The following TRMT5 variants were observed in gnomAD, a reference collection of about 807,000 sequenced individuals.
TRMT5 encodes tRNA methyltransferase 5, also known as tRNA (guanine(37)-N(1))-methyltransferase.
A neutral mutation model predicts 42.2 loss-of-function variants in TRMT5; 31 were observed. The ratio of observed to expected loss-of-function variants is 0.73; its 90% confidence interval spans 0.55 to 0.99. TRMT5 has a LOEUF of 0.99. Among genes scored for constraint, TRMT5 ranks in the 50% least tolerant of loss-of-function variants. The pLI is 0.00. For synonymous variants in TRMT5, 198 were observed against 209.6 expected, an observed-to-expected ratio of 0.94 and a Z score of 0.48; for missense variants, 568 against 595.0, an observed-to-expected ratio of 0.95 and a Z score of 0.47.
In TRMT5 at chr14:60,976,077, C is replaced by A. The variant is rs2036843071; in HGVS notation, c.842G>T (p.Trp281Leu). ...GTGTTCTGTAGACAGACGAGGATTC[C>A]AATAGACTTTTGAAAAATCAAATTC... ...TYEFDFSKVYWNPRLSTEHSR... is the reference protein window; with the variant it reads ...TYEFDFSKVYLNPRLSTEHSR... The change falls in exon 4 of 5, where the codon TGG becomes TTG. Residue 281 changes from tryptophan (W) to leucine (L), a missense_variant. Trp to Leu is a moderately conservative substitution (Grantham distance 61, BLOSUM62 -2). Coordinates refer to ENST00000261249, the MANE Select transcript of TRMT5 (RefSeq NM_020810.3). 8 of 1,612,170 alleles carry A rather than the reference C, an allele frequency of 5.0e-6. No individual in the cohort carries two copies. Among genetic ancestry groups the A allele is most frequent in the Non-Finnish European group, 5.9e-6 (7 of 1,179,424 alleles).
chr14:60,973,368 TAGG>T lies in TRMT5; in HGVS notation c.*1738_*1740del, dbSNP rs747146680. 6.6e-6 allele frequency: 1 copy of T among 152,148 alleles called. No individual in the cohort carries two copies. The highest frequency in any genetic ancestry group is 2.4e-5 in the African/African-American group (1 of 41,394). 9.4% of individuals were successfully genotyped at this position (152,148 alleles called of 1,614,324 possible). On this transcript the variant is annotated 3_prime_UTR_variant, in exon 5 of 5. Transcript: ENST00000261249. ...CTTTTACTCATGGTAGAAGGCAAAA[TAGG>T]AGAAGGCACTTCACATGGCGAAGGC... is the stretch of plus-strand genomic sequence containing the variant.
At chr14:60,977,365 A>G in intron 3 of TRMT5, 149 bp downstream of exon 3, 1 of 609,602 alleles carries the variant, frequency 1.6e-6, no homozygotes, top group Non-Finnish European at 2.5e-6. Context: ...AGGCTTTATC[A>G]GTGTTATTCC....
chr14:60,976,036 G>T lies in TRMT5; in HGVS notation c.883C>A (p.Leu295Ile). 1.9e-6 allele frequency: 3 copies of T among 1,614,228 alleles called. No homozygotes were observed. Among genetic ancestry groups the T allele is most frequent in the Non-Finnish European group, 2.5e-6 (3 of 1,180,028 alleles). Residue 295 changes from leucine to isoleucine, a missense_variant, in exon 4 of 5, where the codon CTT (leucine) becomes ATT (isoleucine). By Grantham distance (5) the Leu-to-Ile change is conservative (BLOSUM62 2). Coordinates refer to ENST00000261249, the MANE Select transcript of TRMT5 (RefSeq NM_020810.3). ...LSTEHSRITE[L>I]LKPGDVLFDV... ...AATAGGACATCCCCAGGTTTGAGAA[G>T]TTCTGTGATACGGCTGTGTTCTGTA... is the stretch of plus-strand genomic sequence containing the variant.
intron 2 of TRMT5, among the ~76,000 whole-genome samples, chr14:60,978,924 A>G (rs1304812640): frequency 3.3e-5 from 5 of 152,214 alleles, no homozygotes; most frequent in Non-Finnish European, 5.9e-5. Context: ...TGAAGGCCTA[A>G]CAAGTCTTGT....
intron 1 of TRMT5, 127 bp from the exon 2 acceptor site, chr14:60,980,013 A>G (rs1436505352): frequency 9.4e-7 from 1 of 1,067,984 alleles, no homozygotes; most frequent in Non-Finnish European, 1.3e-6. Flanking sequence ...GAAGTATACT[A>G]TCTTTTCCAG....
At chr14:60,976,220 C>G in intron 3 of TRMT5, 94 bp from the exon 4 acceptor site, 1 of 1,394,510 alleles carries the variant, frequency 7.2e-7, no homozygotes, top group Non-Finnish European at 9.7e-7. Context: ...CAGGCAAACA[C>G]ATACACATTT....
rs1044442986 is a variant in TRMT5 at position 60,975,975 on chromosome 14, G to A, written c.944C>T (p.Pro315Leu). The change falls in exon 4 of 5, where the codon CCA becomes CTA. Residue 315 changes from proline to leucine, a missense_variant. Pro to Leu is a moderately conservative substitution (Grantham distance 98). Coordinates refer to ENST00000261249, the MANE Select transcript of TRMT5 (RefSeq NM_020810.3). ...VFAGVGPFAI[P>L]VAKKNCTVFA... ...TACAGTGCAGTTTTTCTTTGCTACT[G>A]GAATGGCAAAGGGCCCAACCCCAGC... is the stretch of plus-strand genomic sequence containing the variant. The A allele has an allele frequency of 2.5e-6, 4 of 1,614,004 alleles. No homozygotes were observed. In the African/African-American group the frequency reaches 4.0e-5, roughly 16 times the overall value.
At chr14:60,981,107 G>A (rs2036973375), upstream of TRMT5, 12 of 1,583,322 alleles carry the variant, frequency 7.6e-6, no homozygotes, top group Non-Finnish European at 1.0e-5. Flanking sequence ...CCGCGAAGAG[G>A]GCGCGCGTCA....
chr14:60,978,919 G>T (rs899013890), intron 2 of TRMT5, among the ~76,000 whole-genome samples: 2 of 152,130 alleles, frequency 1.3e-5, no homozygotes, highest in African/African-American at 4.8e-5. Flanking sequence ...AGCCCTGAAG[G>T]CCTAACAAGT....
At position 60,979,841 on chromosome 14, in the gene TRMT5, C is replaced by T; in HGVS notation, c.57G>A (p.Leu19=). 2 of 1,597,254 alleles carry T rather than the reference C, an allele frequency of 1.3e-6. No homozygotes were observed. The highest frequency in any genetic ancestry group is 1.7e-6 in the Non-Finnish European group (2 of 1,171,814). Residue 19 remains leucine, a synonymous_variant, in exon 2 of 5, where the codon CTG becomes CTA. Transcript: ENST00000261249. The stretch of plus-strand genomic sequence containing the variant: ...TTGATTCAGTTATGCTATGGCTTTC[C>T]AGTTTCAGAAATCTTCCTGAGAATC... ...PFGFSGRFLK[L]ESHSITESKS...
rs759610400 is a variant in TRMT5, at chr14:60,981,072, T to C, written c.-99A>G. The C allele has an allele frequency of 3.7e-6, 6 of 1,604,754 alleles. No individual in the cohort carries two copies. The highest frequency in any genetic ancestry group is 2.2e-5 in the East Asian group (1 of 44,722). On this transcript the variant is annotated 5_prime_UTR_variant, in exon 1 of 5. Coordinates refer to ENST00000261249, the MANE Select transcript of TRMT5 (RefSeq NM_020810.3). ...TGTGGGTCGCGGGTGGATGGGCGGG[T>C]CTTCTATGACATCATCACTGTTCGC...
intron 1 of TRMT5, 130 bp downstream of exon 1, chr14:60,980,833 A>G: frequency 7.2e-7 from 1 of 1,392,378 alleles, no homozygotes; most frequent in Non-Finnish European, 1.0e-6. Context: ...CCTCGAAACT[A>G]AGCTCAGCAC....
chr14:60,978,286 G>A (rs2036873730), intron 2 of TRMT5, among the ~76,000 whole-genome samples: 1 of 152,088 alleles, frequency 6.6e-6, no homozygotes, highest in Non-Finnish European at 1.5e-5. Flanking sequence ...AAATCTATAT[G>A]CTATCTCATT....
rs758312459 is a variant in TRMT5 at position 60,977,501 on chromosome 14, T to TAATAA, written c.792+8_792+12dup. The TAATAA allele has an allele frequency of 1.2e-4, 191 of 1,595,390 alleles. 1 individual carries two copies. The East Asian group carries it at 4.2e-3, about 35-fold the overall frequency. ...TATTGATATACACCTTACTTGGAGA[T>TAATAA]AATAAAATATACCTTTGTCATCATG... is the stretch of plus-strand genomic sequence containing the variant. On this transcript the variant is annotated intron_variant, in intron 3 of 4. Coordinates refer to ENST00000261249, the MANE Select transcript of TRMT5 (RefSeq NM_020810.3).
In TRMT5 at chr14:60,980,752, A is replaced by G. The variant is rs187360473; in HGVS notation, c.11+211T>C. 554 of 692,940 alleles carry G rather than the reference A, an allele frequency of 8.0e-4. 1 individual carries two copies. Among genetic ancestry groups the G allele is most frequent in the Middle Eastern group, 7.4e-3 (30 of 4,032 alleles). The allele number at this position is 692,940 out of a possible 1,614,324, so 42.9% of individuals were successfully genotyped here. A position where few individuals can be genotyped will look rare whatever the true frequency, so the allele number is the denominator to read the frequency against. Reference sequence around the variant, plus strand: ...CCAGCTGGGTGACCCTGGATAAATTACTATAAGTCTCGGTTTTCCCACCAG... The same window carrying G: ...CCAGCTGGGTGACCCTGGATAAATTGCTATAAGTCTCGGTTTTCCCACCAG... On this transcript the variant is annotated intron_variant, in intron 1 of 4. Coordinates refer to ENST00000261249, the MANE Select transcript of TRMT5 (RefSeq NM_020810.3).
In TRMT5 at chr14:60,972,466, T is replaced by TGGC. The variant is rs201910810; in HGVS notation, c.*2640_*2642dup. 0.11 allele frequency: 52,784 copies of TGGC among 490,208 alleles called. 2,702 individuals are homozygous for TGGC. The highest frequency in any genetic ancestry group is 0.22 in the Admixed American group (9,576 of 43,208). 30.4% of individuals were successfully genotyped at this position (490,208 alleles called of 1,614,324 possible). ...TCCCCTTCAGTCTTTCTCTTGGGCA[T>TGGC]GGCGGCGGCGGCGGCGGCGGGATGT... On this transcript the variant is annotated 3_prime_UTR_variant, in exon 5 of 5. Transcript: ENST00000261249.
chr14:60,971,679 T>G lies in TRMT5; in HGVS notation c.*3430A>C, dbSNP rs1316661478. 5.9e-6 allele frequency: 1 copy of G among 168,184 alleles called. No individual in the cohort carries two copies. Among genetic ancestry groups the G allele is most frequent in the East Asian group, 1.8e-4 (1 of 5,528 alleles). 10.4% of individuals were successfully genotyped at this position (168,184 alleles called of 1,614,324 possible). On this transcript the variant is annotated 3_prime_UTR_variant, in exon 5 of 5. Transcript: ENST00000261249. ...CACATTTAGCATGTTGTTTAACAAC[T>G]TTTCACAAGCCAACCCTGACTTTCA...
upstream of TRMT5, chr14:60,981,207 C>T (rs1214303418): frequency 1.4e-5 from 21 of 1,544,018 alleles, no homozygotes; most frequent in South Asian, 3.6e-5. Context: ...GCCTCTGGCG[C>T]GACCGACGAC....
chr14:60,979,686 TCA>T lies in TRMT5; in HGVS notation c.210_211del (p.Glu71IlefsTer7). On this transcript the variant is annotated frameshift_variant, in exon 2 of 5. Coordinates refer to ENST00000261249, the MANE Select transcript of TRMT5 (RefSeq NM_020810.3). LOFTEE classifies it high-confidence loss of function. The stretch of plus-strand genomic sequence containing the variant: ...GACATCAGAAGGTGGTGAAAACAAT[TCA>T]GTCTCTCTCTCATGTGTTTCTGTTT... 6.2e-7 allele frequency: 1 copy of T among 1,614,132 alleles called. No homozygotes were observed. The highest frequency in any genetic ancestry group is 8.5e-7 in the Non-Finnish European group (1 of 1,180,022).
Sources: allele counts gnomAD v4.1 joint callset (sites outside exome capture counted in the v4.1 genomes callset), GRCh38; gene constraint gnomAD v4.1.1; transcripts MANE v1.5; gene names NCBI Gene and HGNC (gene_info 2026-07-23, HGNC 2026-07-21).